The following CACNA1D variants were observed in gnomAD, a reference collection of about 807,000 sequenced individuals.
CACNA1D encodes calcium voltage-gated channel subunit alpha1 D.
A neutral mutation model predicts 257.1 loss-of-function variants in CACNA1D; 55 were observed. That is an observed-to-expected ratio of 0.21 (90% CI 0.17 to 0.27). CACNA1D has a LOEUF of 0.27. Among genes scored for constraint, CACNA1D ranks in the 10% least tolerant of loss-of-function variants. The pLI, the probability that CACNA1D is intolerant of heterozygous loss-of-function variation, is 1.00. For missense variants in CACNA1D, 1,876 were observed against 2,784.0 expected (o/e 0.67, Z 7.34); for synonymous variants, 980 against 1,014.9 (o/e 0.97, Z 0.65).
At chr3:53,620,736 T>C (rs1357788198) in intron 3 of CACNA1D, among the ~76,000 whole-genome samples, 2 of 152,268 alleles carry the variant, frequency 1.3e-5, no homozygotes, top group Non-Finnish European at 2.9e-5. Context: ...ATTTGCACCC[T>C]AAATTTTGGG....
At chr3:53,778,308 AC>A (rs1311006792) in intron 37 of CACNA1D, among the ~76,000 whole-genome samples, 1 of 152,026 alleles carries the variant, frequency 6.6e-6, no homozygotes, top group African/African-American at 2.4e-5. Context: ...AGACCCTTTT[AC>A]ATAAAGCTTT....
chr3:53,726,392 C>A (rs1033593450), intron 14 of CACNA1D, among the ~76,000 whole-genome samples: 2 of 152,150 alleles, frequency 1.3e-5, no homozygotes, highest in Non-Finnish European at 2.9e-5. Context: ...AATCCCAGCA[C>A]TTTGGGAGGC....
At chr3:53,505,258 G>A (rs533039162) in intron 3 of CACNA1D, among the ~76,000 whole-genome samples, 40 of 151,616 alleles carry the variant, frequency 2.6e-4, no homozygotes, top group Non-Finnish European at 5.2e-4. Flanking sequence ...ACAGACGAGC[G>A]CCAACATGCC....
chr3:53,610,713 T>C (rs11919569), intron 3 of CACNA1D, among the ~76,000 whole-genome samples: 18,932 of 152,254 alleles, frequency 0.12, 1,351 homozygotes, highest in African/African-American at 0.18. Context: ...TTCCCCTTTT[T>C]CTGCCTTCTT....
chr3:53,585,231 G>A (rs1003205582), intron 3 of CACNA1D, among the ~76,000 whole-genome samples: 1 of 152,044 alleles, frequency 6.6e-6, no homozygotes, highest in African/African-American at 2.4e-5. Flanking sequence ...ACATGACTTG[G>A]TGCCTGCCCA....
At chr3:53,607,588 T>C (rs553021543) in intron 3 of CACNA1D, among the ~76,000 whole-genome samples, 1 of 152,366 alleles carries the variant, frequency 6.6e-6, no homozygotes, top group East Asian at 1.9e-4. Context: ...ACCTGTCTTA[T>C]GTAACTAAAT....
chr3:53,549,457 C>A (rs1284502881), intron 3 of CACNA1D, among the ~76,000 whole-genome samples: 135 of 152,190 alleles, frequency 8.9e-4, no homozygotes, highest in Non-Finnish European at 1.7e-3. Flanking sequence ...TGCTGAAGGG[C>A]CTTGAACAGA....
chr3:53,780,391 G>A (rs542036050), intron 38 of CACNA1D, among the ~76,000 whole-genome samples: 3 of 152,334 alleles, frequency 2.0e-5, no homozygotes, highest in African/African-American at 7.2e-5. Context: ...CATAGCAAGG[G>A]AAACAGGCAG....
chr3:53,652,437 G>A (rs1202845694), intron 4 of CACNA1D, among the ~76,000 whole-genome samples: 2 of 152,150 alleles, frequency 1.3e-5, no homozygotes, highest in Non-Finnish European at 2.9e-5. Flanking sequence ...TCATAAATAT[G>A]CCTTAGAGTA....
intron 44 of CACNA1D, 45 bp from the exon 45 acceptor site, chr3:53,804,936 CAG>C: frequency 1.3e-6 from 2 of 1,575,304 alleles, no homozygotes; most frequent in Non-Finnish European, 1.7e-6. Flanking sequence ...GGTTGAGTGA[CAG>C]AGCTTGTTAC....
chr3:53,500,685 G>T (rs1308725988), intron 2 of CACNA1D, among the ~76,000 whole-genome samples: 1 of 152,174 alleles, frequency 6.6e-6, no homozygotes, highest in African/African-American at 2.4e-5. Context: ...CCTTGTATTT[G>T]GAAAGGCTGA....
At chr3:53,767,888 C>T (rs907988985) in intron 30 of CACNA1D, among the ~76,000 whole-genome samples, 5 of 152,190 alleles carry the variant, frequency 3.3e-5, no homozygotes, top group Non-Finnish European at 5.9e-5. Flanking sequence ...GGGGAGGTGT[C>T]GCAGGCGCAC....
chr3:53,698,745 A>G (rs1213864624), intron 8 of CACNA1D, among the ~76,000 whole-genome samples: 3 of 151,548 alleles, frequency 2.0e-5, no homozygotes, highest in Non-Finnish European at 2.9e-5. Context: ...GATACACCTG[A>G]GAGAAATATG....
intron 3 of CACNA1D, among the ~76,000 whole-genome samples, chr3:53,640,590 C>G (rs931569206): frequency 6.6e-6 from 1 of 152,216 alleles, no homozygotes; most frequent in Non-Finnish European, 1.5e-5. Flanking sequence ...CACTGACAAG[C>G]TGCAAATGAT....
At chr3:53,599,780 T>C (rs1185069248) in intron 3 of CACNA1D, among the ~76,000 whole-genome samples, 1 of 152,208 alleles carries the variant, frequency 6.6e-6, no homozygotes, top group Non-Finnish European at 1.5e-5. Context: ...AAAACTTAGT[T>C]TCCTCTCTGC....
In CACNA1D at chr3:53,564,173, T is replaced by C. The variant is rs2092792223; in HGVS notation, c.483+62453T>C. On this transcript the variant is annotated intron_variant, in intron 3 of 47. Coordinates refer to ENST00000350061, the MANE Select transcript of CACNA1D (RefSeq NM_001128840.3). ...TGTCCATTTTTCTACTGGTTTGTCT[T>C]TTTTTTTGAGACAGTCTTGCTCTGT... Among the ~76,000 whole-genome samples the C allele has an allele frequency of 2.0e-5, 3 of 151,984 alleles. No individual in the cohort carries two copies. The South Asian group carries it at 6.2e-4, about 32-fold the overall frequency.
intron 3 of CACNA1D, among the ~76,000 whole-genome samples, chr3:53,567,544 C>G (rs1247046752): frequency 6.6e-6 from 1 of 152,172 alleles, no homozygotes; most frequent in Non-Finnish European, 1.5e-5. Context: ...TGTATTTCTA[C>G]TCCCACCTCA....
chr3:53,699,026 T>A (rs2094597558), intron 8 of CACNA1D, among the ~76,000 whole-genome samples: 2 of 152,240 alleles, frequency 1.3e-5, no homozygotes, highest in Admixed American at 1.3e-4. Context: ...TGAATTCTTA[T>A]GCAAAGTGGA....
chr3:53,644,168 G>A (rs995140428), intron 3 of CACNA1D, among the ~76,000 whole-genome samples: 4 of 152,270 alleles, frequency 2.6e-5, no homozygotes, highest in Middle Eastern at 3.4e-3. Context: ...TTTATTAGGG[G>A]AGACAAATAT....
Sources: gnomAD v4.1 joint callset for allele counts (sites outside exome capture counted in the v4.1 genomes callset) on GRCh38, gnomAD v4.1.1 for gene constraint, MANE v1.5 for transcripts, NCBI Gene and HGNC (gene_info 2026-07-23, HGNC 2026-07-21) for gene names.